NEK10: variants seen among roughly 807,000 people sequenced by gnomAD.
The protein encoded by NEK10 is serine/threonine-protein kinase Nek10.
A neutral mutation model predicts 159.8 loss-of-function variants in NEK10; 122 were observed. That is an observed-to-expected ratio of 0.76 (90% CI 0.66 to 0.89). The LOEUF (loss-of-function observed/expected upper bound fraction) is 0.89. Ranked by LOEUF, NEK10 falls within the 40% of genes least tolerant of loss-of-function variation. The pLI, the probability that NEK10 is intolerant of heterozygous loss-of-function variation, is 0.00. For synonymous variants in NEK10, 466 were observed against 457.1 expected (o/e 1.02, Z -0.25); for missense variants, 1,342 against 1,323.1 (o/e 1.01, Z -0.22).
chr3:27,185,964 C>T (rs779357252), intron 26 of NEK10, among the ~76,000 whole-genome samples: 5 of 152,140 alleles, frequency 3.3e-5, no homozygotes, highest in Non-Finnish European at 7.4e-5. Context: ...GTAGAGCTTG[C>T]TAACAAAATG....
Position 27,305,017 on chromosome 3 carries a change from T to C in NEK10, c.804-46A>G, listed in dbSNP as rs1287314693. ...GGGGTGAGAATCACAGCATCATGAG[T>C]TGATTACTTTACATTAAGACTAAAG... On this transcript the variant is annotated intron_variant, in intron 11 of 35. Coordinates refer to ENST00000691995, the MANE Select transcript of NEK10 (RefSeq NM_001394966.1). 5.3e-6 allele frequency: 6 copies of C among 1,135,900 alleles called. No homozygotes were observed. In the Admixed American group the frequency reaches 9.2e-5, roughly 17 times the overall value. The allele number at this position is 1,135,900 out of a possible 1,614,324, so 70.4% of individuals were successfully genotyped here. A position where few individuals can be genotyped will look rare whatever the true frequency, so the allele number is the denominator to read the frequency against.
At chr3:27,213,791 A>G (rs1951233844) in intron 23 of NEK10, among the ~76,000 whole-genome samples, 2 of 152,138 alleles carry the variant, frequency 1.3e-5, no homozygotes, top group African/African-American at 4.8e-5. Flanking sequence ...CAGGCCCTGA[A>G]AAAAATCAAA....
intron 26 of NEK10, among the ~76,000 whole-genome samples, chr3:27,184,948 A>G (rs1390823046): frequency 6.6e-6 from 1 of 152,126 alleles, no homozygotes; most frequent in Admixed American, 6.5e-5. Flanking sequence ...TAAATAGCAC[A>G]TTTTTTAATT....
At chr3:27,180,452 G>C (rs1297675130) in intron 26 of NEK10, among the ~76,000 whole-genome samples, 1 of 151,314 alleles carries the variant, frequency 6.6e-6, no homozygotes, top group Non-Finnish European at 1.5e-5. Flanking sequence ...GGAGGGGAAG[G>C]GAAGGGAAGG....
chr3:27,143,533 C>A, intron 30 of NEK10: 2 of 722,836 alleles, frequency 2.8e-6, no homozygotes, highest in Admixed American at 4.0e-5. Flanking sequence ...ATCAACTATG[C>A]AATTTTTTTA....
chr3:27,247,849 TTGTC>T (rs1297206768), intron 23 of NEK10, among the ~76,000 whole-genome samples: 2 of 150,414 alleles, frequency 1.3e-5, no homozygotes, highest in East Asian at 1.9e-4. Context: ...GGAGGCGTCT[TTGTC>T]TGGTTTTTGT....
chr3:27,339,427 A>G (rs533596098), intron 5 of NEK10, among the ~76,000 whole-genome samples: 1 of 152,334 alleles, frequency 6.6e-6, no homozygotes, highest in South Asian at 2.1e-4. Context: ...ACATTTATGT[A>G]GCCAACAAAC....
chr3:27,338,952 T>C (rs1314567337), intron 5 of NEK10, among the ~76,000 whole-genome samples: 3 of 152,130 alleles, frequency 2.0e-5, no homozygotes, highest in Non-Finnish European at 4.4e-5. Flanking sequence ...AGAACTATAA[T>C]ATACTAAAAA....
Position 27,134,210 on chromosome 3 carries a change from T to C in NEK10, c.2971-2220A>G, listed in dbSNP as rs533827679. 3.3e-5 allele frequency among the ~76,000 whole-genome samples: 5 copies of C among 152,184 alleles called. No individual in the cohort carries two copies. The East Asian group carries it at 7.7e-4, about 24-fold the overall frequency. ...AAAGAGAAATGAATTTAACTTAGAA[T>C]AGAAACAGACATGAAGGTGAGGAGC... On this transcript the variant is annotated intron_variant, in intron 31 of 35. Coordinates refer to ENST00000691995, the MANE Select transcript of NEK10 (RefSeq NM_001394966.1).
At chr3:27,120,330 T>G (rs571509714) in intron 32 of NEK10, among the ~76,000 whole-genome samples, 1 of 151,880 alleles carries the variant, frequency 6.6e-6, no homozygotes, top group East Asian at 1.9e-4. Flanking sequence ...CTTTTTTCTT[T>G]TTTTTTTTTC....
chr3:27,281,489 G>A lies in NEK10; in HGVS notation c.2014+3113C>T, dbSNP rs181251840. 2.0e-5 allele frequency among the ~76,000 whole-genome samples: 3 copies of A among 152,006 alleles called. No individual in the cohort carries two copies. The East Asian group carries it at 5.8e-4, about 29-fold the overall frequency. On this transcript the variant is annotated intron_variant, in intron 22 of 35. Coordinates refer to ENST00000691995, the MANE Select transcript of NEK10 (RefSeq NM_001394966.1). Reference sequence around the variant, plus strand: ...ACTGGATTTCCTGACAGCAAAACTAGATACCAGAAGACTAGAGAAATGCCT... The same window carrying A: ...ACTGGATTTCCTGACAGCAAAACTAAATACCAGAAGACTAGAGAAATGCCT...
intron 22 of NEK10, among the ~76,000 whole-genome samples, chr3:27,271,928 A>C (rs2041394322): frequency 6.6e-6 from 1 of 152,146 alleles, no homozygotes; most frequent in Non-Finnish European, 1.5e-5. Context: ...ATTCTATAGC[A>C]TGTTTACACT....
At chr3:27,365,327 A>T (rs1248219971) in intron 1 of NEK10, among the ~76,000 whole-genome samples, 2 of 152,138 alleles carry the variant, frequency 1.3e-5, no homozygotes, top group African/African-American at 4.8e-5. Context: ...GACATGAGCC[A>T]GTCAATTGTC....
intron 30 of NEK10, among the ~76,000 whole-genome samples, chr3:27,150,163 A>G (rs1335473068): frequency 6.6e-6 from 1 of 152,236 alleles, no homozygotes; most frequent in Non-Finnish European, 1.5e-5. Context: ...AGCCATTTCC[A>G]TAACATAAAA....
chr3:27,300,320 C>T (rs898164366), intron 13 of NEK10, among the ~76,000 whole-genome samples: 1 of 151,992 alleles, frequency 6.6e-6, no homozygotes, highest in Non-Finnish European at 1.5e-5. Flanking sequence ...TGCACAAGCC[C>T]TCTCTTGCCT....
chr3:27,351,539 C>A (rs999478136), intron 3 of NEK10, among the ~76,000 whole-genome samples: 1 of 152,070 alleles, frequency 6.6e-6, no homozygotes, highest in Non-Finnish European at 1.5e-5. Flanking sequence ...GGTAAAGCAG[C>A]GGGCACATAG....
At chr3:27,252,205 A>G (rs752549269) in intron 23 of NEK10, 1 of 505,676 alleles carries the variant, frequency 2.0e-6, no homozygotes, top group Non-Finnish European at 3.9e-6. Flanking sequence ...CAAGTACAAC[A>G]TAAGGTCAGG....
At chr3:27,174,580 T>A in intron 27 of NEK10, 55 bp from the exon 28 acceptor site, 1 of 1,599,688 alleles carries the variant, frequency 6.3e-7, no homozygotes. Context: ...CAGGAAGGAG[T>A]CCAGAATACA....
At chr3:27,275,680 A>G (rs2041716255) in intron 22 of NEK10, among the ~76,000 whole-genome samples, 2 of 152,226 alleles carry the variant, frequency 1.3e-5, no homozygotes, top group South Asian at 4.1e-4. Flanking sequence ...TTTTGTAAGT[A>G]TATGAGTAAT....
Sources: allele counts gnomAD v4.1 joint callset (sites outside exome capture counted in the v4.1 genomes callset), GRCh38; gene constraint gnomAD v4.1.1; transcripts MANE v1.5; gene names NCBI Gene and HGNC (gene_info 2026-07-23, HGNC 2026-07-21).